The following UBE2D3 variants were observed in gnomAD, a reference collection of about 807,000 sequenced individuals.
UBE2D3 encodes the protein ubiquitin conjugating enzyme E2 D3.
UBE2D3 carries 2 observed loss-of-function variants against 22.8 expected under a neutral mutation model. That is an observed-to-expected ratio of 0.09 (90% CI 0.04 to 0.28). The LOEUF is 0.28. UBE2D3 is among the 10% of genes least tolerant of loss of function. The pLI is 1.00. For missense variants in UBE2D3, 27 were observed against 182.5 expected, an observed-to-expected ratio of 0.15 and a Z score of 4.91; for synonymous variants, 56 against 60.4, an observed-to-expected ratio of 0.93 and a Z score of 0.34.
In UBE2D3 at chr4:102,795,769, G is replaced by GT. The variant is rs1237929926; in HGVS notation, c.*1645dup. The GT allele has an allele frequency of 1.3e-5, 2 of 152,084 alleles. No individual in the cohort carries two copies. The highest frequency in any genetic ancestry group is 1.9e-4 in the East Asian group (1 of 5,190). The allele number at this position is 152,084 out of a possible 1,614,324, so 9.4% of individuals were successfully genotyped here. Reference sequence around the variant, plus strand: ...GTGCAGACAAGGAATAAGATTGCACGTAAGTGTAAGCAGTGCAAAAATGTG... The same window carrying GT: ...GTGCAGACAAGGAATAAGATTGCACGTTAAGTGTAAGCAGTGCAAAAATGTG... On this transcript the variant is annotated 3_prime_UTR_variant, in exon 8 of 8. Transcript: ENST00000453744.
chr4:102,814,194 G>A (rs1173978194), intron 2 of UBE2D3, among the ~76,000 whole-genome samples: 1 of 151,408 alleles, frequency 6.6e-6, no homozygotes, highest in Non-Finnish European at 1.5e-5. Context: ...CATGGCTTTT[G>A]GCCTTCAAAA....
chr4:102,800,943 T>A (rs1726059953), intron 6 of UBE2D3, among the ~76,000 whole-genome samples: 1 of 151,998 alleles, frequency 6.6e-6, no homozygotes, highest in Non-Finnish European at 1.5e-5. Context: ...GATCTACAGA[T>A]CTTTCGAAGA....
chr4:102,825,990 T>A lies in UBE2D3; in HGVS notation c.24+495A>T, dbSNP rs140906364. On this transcript the variant is annotated intron_variant, in intron 2 of 7. Coordinates refer to ENST00000453744, the MANE Select transcript of UBE2D3 (RefSeq NM_181891.3). Reference sequence around the variant, plus strand: ...TGACTGACCTTCAATACGCAAGACTTCTTCTACCCGACCCTCAGTCAAGTT... The same window carrying A: ...TGACTGACCTTCAATACGCAAGACTACTTCTACCCGACCCTCAGTCAAGTT... 5.4e-3 allele frequency: 1,608 copies of A among 295,914 alleles called. 11 individuals are homozygous for A. The highest frequency in any genetic ancestry group is 8.2e-3 in the Non-Finnish European group (1,217 of 148,476). The allele number at this position is 295,914 out of a possible 1,614,324, so 18.3% of individuals were successfully genotyped here.
chr4:102,801,075 C>T (rs1726084278), intron 6 of UBE2D3, among the ~76,000 whole-genome samples: 1 of 151,832 alleles, frequency 6.6e-6, no homozygotes, highest in Admixed American at 6.6e-5. Flanking sequence ...AGAGTGGAAA[C>T]CTCAGGATTC....
intron 1 of UBE2D3, among the ~76,000 whole-genome samples, chr4:102,854,356 A>C (rs1458545027): frequency 1.3e-5 from 2 of 152,086 alleles, no homozygotes; most frequent in Admixed American, 1.3e-4. Flanking sequence ...ATGATACTAC[A>C]GTTCAATTTT....
intron 2 of UBE2D3, chr4:102,811,836 G>A (rs1158030925): frequency 1.2e-5 from 5 of 421,672 alleles, no homozygotes; most frequent in Non-Finnish European, 1.8e-5. Flanking sequence ...GGATAACATA[G>A]TGAGACCCCA....
At chr4:102,827,030 T>C (rs1730636401) in intron 1 of UBE2D3, 1 of 993,470 alleles carries the variant, frequency 1.0e-6, no homozygotes, top group Non-Finnish European at 1.2e-6. Flanking sequence ...CCGGGCTGCT[T>C]TCGGTTTCTG....
chr4:102,852,069 C>T (rs1022179084), intron 1 of UBE2D3, among the ~76,000 whole-genome samples: 1 of 152,066 alleles, frequency 6.6e-6, no homozygotes, highest in East Asian at 1.9e-4. Flanking sequence ...GCCCATGGGT[C>T]GTAAGTGGAA....
At chr4:102,862,893 G>A (rs947714377) in intron 1 of UBE2D3, among the ~76,000 whole-genome samples, 2 of 152,122 alleles carry the variant, frequency 1.3e-5, no homozygotes, top group Non-Finnish European at 2.9e-5. Flanking sequence ...GGCTGTACAA[G>A]AAGCATGATG....
At chr4:102,845,021 CAAA>C (rs386401015) in intron 1 of UBE2D3, among the ~76,000 whole-genome samples, 240 of 93,610 alleles carry the variant, frequency 2.6e-3, no homozygotes, top group Middle Eastern at 0.012. Context: ...GACTCCATCT[CAAA>C]AAAAAAAAAA....
chr4:102,817,903 T>C (rs1284950826), intron 2 of UBE2D3, among the ~76,000 whole-genome samples: 1 of 152,208 alleles, frequency 6.6e-6, no homozygotes, highest in Non-Finnish European at 1.5e-5. Context: ...CCTAACAAAA[T>C]GTTTTTAGAG....
In UBE2D3 at chr4:102,868,072, C is replaced by CTTTTTTTTTTTTTTTTT. The variant is rs11418599; in HGVS notation, c.-129+626_-129+642dup. Among the ~76,000 whole-genome samples the CTTTTTTTTTTTTTTTTT allele has an allele frequency of 1.1e-4, 13 of 115,254 alleles. 1 individual carries two copies. The highest frequency in any genetic ancestry group is 4.6e-4 in the African/African-American group (13 of 28,068). The allele number at this position is 115,254 out of a possible 152,430, so 75.6% of individuals were successfully genotyped here. On this transcript the variant is annotated intron_variant, in intron 1 of 7. Transcript: ENST00000338145. The stretch of plus-strand genomic sequence containing the variant: ...AAAACCATACATAAGGCTTTAGATT[C>CTTTTTTTTTTTTTTTTT]TTTTTTTTTTTTTTTTTTGTGACGG...
At chr4:102,815,994 T>C (rs1306162762) in intron 2 of UBE2D3, among the ~76,000 whole-genome samples, 2 of 152,194 alleles carry the variant, frequency 1.3e-5, no homozygotes, top group Non-Finnish European at 2.9e-5. Flanking sequence ...ACCTTTGAGC[T>C]ACCAAATAAT....
chr4:102,840,344 A>C (rs973563651), intron 1 of UBE2D3, among the ~76,000 whole-genome samples: 1 of 152,260 alleles, frequency 6.6e-6, no homozygotes, highest in Non-Finnish European at 1.5e-5. Flanking sequence ...ATGAATGGAT[A>C]AAGAAAATGT....
chr4:102,854,284 A>C (rs2110371582), intron 1 of UBE2D3, among the ~76,000 whole-genome samples: 1 of 152,206 alleles, frequency 6.6e-6, no homozygotes, highest in South Asian at 2.1e-4. Flanking sequence ...TTTAAGGATA[A>C]TGTATATTCT....
At chr4:102,798,279 A>AATATATATATATAT (rs10526258) in intron 7 of UBE2D3, among the ~76,000 whole-genome samples, 3,466 of 111,802 alleles carry the variant, frequency 0.031, 266 homozygotes, top group Non-Finnish European at 0.042. Context: ...TTAAGAAATG[A>AATATATATATATAT]ATATATATAT....
At chr4:102,831,013 ATAAT>A (rs1216047536), upstream of UBE2D3, among the ~76,000 whole-genome samples, 3 of 152,256 alleles carry the variant, frequency 2.0e-5, no homozygotes, top group Non-Finnish European at 4.4e-5. Flanking sequence ...ATGAATAAAC[ATAAT>A]TAACAGATTT....
intron 4 of UBE2D3, among the ~76,000 whole-genome samples, chr4:102,808,556 T>C (rs747153379): frequency 6.6e-6 from 1 of 152,198 alleles, no homozygotes; most frequent in Non-Finnish European, 1.5e-5. Flanking sequence ...GCACTAACAT[T>C]TTAATTACTC....
intron 1 of UBE2D3, chr4:102,844,054 C>A (rs1251825578): frequency 6.6e-6 from 1 of 152,170 alleles, no homozygotes; most frequent in Non-Finnish European, 1.5e-5. Context: ...AGAACAGCAA[C>A]CATAATTGGC....
Sources: allele counts gnomAD v4.1 joint callset (sites outside exome capture counted in the v4.1 genomes callset), GRCh38; gene constraint gnomAD v4.1.1; transcripts MANE v1.5; gene names NCBI Gene and HGNC (gene_info 2026-07-23, HGNC 2026-07-21).